Variants in XKR8 observed in about 807,000 individuals in gnomAD.
The protein encoded by XKR8 is XK related 8.
In XKR8, 10 loss-of-function variants were observed where a neutral mutation model predicts 17.1. That is an observed-to-expected ratio of 0.59 (90% CI 0.36 to 0.99). The LOEUF (loss-of-function observed/expected upper bound fraction) is 0.99. Ranked by LOEUF, XKR8 falls within the 50% of genes least tolerant of loss-of-function variation. XKR8 has a pLI of 0.01. For missense variants in XKR8, 411 were observed against 515.6 expected, an observed-to-expected ratio of 0.80 and a Z score of 1.96; for synonymous variants, 213 against 251.9, an observed-to-expected ratio of 0.85 and a Z score of 1.46.
Position 27,965,076 on chromosome 1 carries a change from C to T in XKR8, c.490+1383C>T, listed in dbSNP as rs71642221. Among the ~76,000 whole-genome samples, 3 of 152,202 alleles carry T rather than the reference C, an allele frequency of 2.0e-5. No homozygotes were observed. Among genetic ancestry groups the T allele is most frequent in the Non-Finnish European group, 4.4e-5 (3 of 68,032 alleles). On this transcript the variant is annotated intron_variant, in intron 2 of 2. Transcript: ENST00000373884. This position sits in a 1 kb window ranked among gnomAD's most constrained non-coding sequence, Gnocchi z 4.1. Reference sequence around the variant, plus strand: ...TATTAGCCAGGCCCTGTGGGAAGCACTTACAGTCATCATTGCTCATGTTCA... The same window carrying T: ...TATTAGCCAGGCCCTGTGGGAAGCATTTACAGTCATCATTGCTCATGTTCA...
At chr1:27,962,049 CTG>C (rs975427586) in intron 1 of XKR8, among the ~76,000 whole-genome samples, 1 of 152,186 alleles carries the variant, frequency 6.6e-6, no homozygotes, top group African/African-American at 2.4e-5. Context: ...AGCCCCTCCC[CTG>C]TGTGGCCGGG....
Position 27,966,968 on chromosome 1 carries a change from G to C in XKR8, c.956G>C (p.Trp319Ser), listed in dbSNP as rs1557507643. The C allele has an allele frequency of 1.9e-6, 3 of 1,614,184 alleles. No individual in the cohort carries two copies. The highest frequency in any genetic ancestry group is 2.5e-6 in the Non-Finnish European group (3 of 1,180,026). ...CCCAGCGGGATTCCACTGCAGCTGT[G>C]GCTGCCTGTGGGATGCGGCTGCTTC... Reference protein sequence around the residue: ...WLPSGIPLQLWLPVGCGCFFL... With the variant: ...WLPSGIPLQLSLPVGCGCFFL... Residue 319 changes from tryptophan to serine, a missense_variant, in exon 3 of 3, where the codon TGG becomes TCG. Physicochemically the swap from Trp to Ser is radical, Grantham distance 177 (BLOSUM62 -3). Transcript: ENST00000373884. The surrounding 1 kb of genome is among the most constrained non-coding windows in gnomAD (Gnocchi z 4.3).
At position 27,960,601 on chromosome 1, in the gene XKR8, G is replaced by C. The variant is rs1638452097; in HGVS notation, c.293+239G>C. Reference sequence around the variant, plus strand: ...GGCGAAGAAACTGAGGCCCAGGGAAGAAAGGGAGGCGCATGGGCTTTGAAG... The same window carrying C: ...GGCGAAGAAACTGAGGCCCAGGGAACAAAGGGAGGCGCATGGGCTTTGAAG... On this transcript the variant is annotated intron_variant, in intron 1 of 2. Transcript: ENST00000373884. The surrounding 1 kb of genome is among the most constrained non-coding windows in gnomAD (Gnocchi z 5.9). Among the ~76,000 whole-genome samples the C allele has an allele frequency of 6.6e-6, 1 of 152,208 alleles. No homozygotes were observed. The highest frequency in any genetic ancestry group is 1.5e-5 in the Non-Finnish European group (1 of 68,030).
rs1638597170 is a variant in XKR8, at chr1:27,967,304, C to G, written c.*104C>G. ...GGATAAGCTAACGATGCTGCTGTGG[C>G]CTCTATGCACTCAGCAAGAGCGGGA... On this transcript the variant is annotated 3_prime_UTR_variant, in exon 3 of 3. Transcript: ENST00000373884. The surrounding 1 kb of genome is among the most constrained non-coding windows in gnomAD (Gnocchi z 4.3). The G allele has an allele frequency of 7.7e-7, 1 of 1,297,256 alleles. No homozygotes were observed. Among genetic ancestry groups the G allele is most frequent in the South Asian group, 1.5e-5 (1 of 67,124 alleles). 80.4% of individuals were successfully genotyped at this position (1,297,256 alleles called of 1,614,324 possible).
chr1:27,966,492 A>C lies in XKR8; in HGVS notation c.491-11A>C. The C allele has an allele frequency of 6.2e-7, 1 of 1,602,694 alleles. No individual in the cohort carries two copies. Among genetic ancestry groups the C allele is most frequent in the Middle Eastern group, 1.7e-4 (1 of 6,024 alleles). On this transcript the variant is annotated splice_polypyrimidine_tract_variant and intron_variant, in intron 2 of 2. Coordinates refer to ENST00000373884, the MANE Select transcript of XKR8 (RefSeq NM_018053.4). The surrounding 1 kb of genome is among the most constrained non-coding windows in gnomAD (Gnocchi z 4.3). ...GCCCCAGGACTCACTGTTCCCTCCT[A>C]CTCTTTGCAGGGGTTGGCATCTGCA...
Position 27,962,471 on chromosome 1 carries a change from G to A in XKR8, c.294-1026G>A, listed in dbSNP as rs1349486067. On this transcript the variant is annotated intron_variant, in intron 1 of 2. Coordinates refer to ENST00000373884, the MANE Select transcript of XKR8 (RefSeq NM_018053.4). The stretch of plus-strand genomic sequence containing the variant: ...TCCCAGCATCCCAGCTACTCTGGAG[G>A]CCGAGGCAGGAGAATCGCTTGAACC... 2.6e-5 allele frequency among the ~76,000 whole-genome samples: 4 copies of A among 152,182 alleles called. No individual in the cohort carries two copies. The East Asian group carries it at 7.7e-4, about 29-fold the overall frequency.
intron 1 of XKR8, among the ~76,000 whole-genome samples, chr1:27,963,026 GC>G (rs1415129411): frequency 2.6e-5 from 4 of 151,936 alleles, no homozygotes; most frequent in East Asian, 1.9e-4. Context: ...CCCCATTTTT[GC>G]TTTTTTGTTT....
chr1:27,960,344 A>T lies in XKR8; in HGVS notation c.275A>T (p.Gln92Leu). The T allele has an allele frequency of 7.0e-7, 1 of 1,418,790 alleles. No homozygotes were observed. The highest frequency in any genetic ancestry group is 9.1e-7 in the Non-Finnish European group (1 of 1,094,100). The allele number at this position is 1,418,790 out of a possible 1,614,324, so 87.9% of individuals were successfully genotyped here. A position where few individuals can be genotyped will look rare whatever the true frequency, so the allele number is the denominator to read the frequency against. Residue 92 changes from glutamine (Q) to leucine (L), a missense_variant, in exon 1 of 3, where the codon CAG becomes CTG. Coordinates refer to ENST00000373884, the MANE Select transcript of XKR8 (RefSeq NM_018053.4). The surrounding 1 kb of genome is among the most constrained non-coding windows in gnomAD (Gnocchi z 5.9). ...TGCCTGGCGCTGCTGCATCTCCTGC[A>T]GCTGGGTTACCTGTACAGGTGAGTG... Reference protein sequence around the residue: ...RRCLALLHLLQLGYLYRCVQE... With the variant: ...RRCLALLHLLLLGYLYRCVQE...
In XKR8 at chr1:27,960,332, T is replaced by A; in HGVS notation, c.263T>A (p.Leu88Gln). 2 of 1,420,040 alleles carry A rather than the reference T, an allele frequency of 1.4e-6. No homozygotes were observed. Among genetic ancestry groups the A allele is most frequent in the South Asian group, 1.5e-5 (1 of 66,494 alleles). The allele number at this position is 1,420,040 out of a possible 1,614,324, so 88.0% of individuals were successfully genotyped here. The change falls in exon 1 of 3, where the codon CTG becomes CAG. Residue 88 changes from leucine (L) to glutamine (Q), a missense_variant. Leu to Gln is a moderately radical substitution (Grantham distance 113). Transcript: ENST00000373884. The surrounding 1 kb of genome is among the most constrained non-coding windows in gnomAD (Gnocchi z 5.9). The stretch of plus-strand genomic sequence containing the variant: ...CCCCCGCGCCGCTGCCTGGCGCTGC[T>A]GCATCTCCTGCAGCTGGGTTACCTG... Reference protein sequence around the residue: ...SQPPRRCLALLHLLQLGYLYR... With the variant: ...SQPPRRCLALQHLLQLGYLYR...
In XKR8 at chr1:27,965,008, A is replaced by T. The variant is rs1269302240; in HGVS notation, c.490+1315A>T. On this transcript the variant is annotated intron_variant, in intron 2 of 2. Transcript: ENST00000373884. This position sits in a 1 kb window ranked among gnomAD's most constrained non-coding sequence, Gnocchi z 4.1. Reference sequence around the variant, plus strand: ...CTTGCTAGTCTGAGTCTATATATTGATTGAAAAAACAATAATAGCGGCTGT... The same window carrying T: ...CTTGCTAGTCTGAGTCTATATATTGTTTGAAAAAACAATAATAGCGGCTGT... 6.6e-6 allele frequency among the ~76,000 whole-genome samples: 1 copy of T among 152,192 alleles called. No individual in the cohort carries two copies. The highest frequency in any genetic ancestry group is 1.5e-5 in the Non-Finnish European group (1 of 68,038).
chr1:27,961,008 G>C (rs1638461022), intron 1 of XKR8, among the ~76,000 whole-genome samples: 1 of 152,210 alleles, frequency 6.6e-6, no homozygotes, highest in Non-Finnish European at 1.5e-5. Context: ...AGCAACCTCA[G>C]CTGGCTTCTT....
Position 27,964,645 on chromosome 1 carries a change from C to T in XKR8, c.490+952C>T, listed in dbSNP as rs569660690. On this transcript the variant is annotated intron_variant, in intron 2 of 2. Coordinates refer to ENST00000373884, the MANE Select transcript of XKR8 (RefSeq NM_018053.4). The stretch of plus-strand genomic sequence containing the variant: ...GATGATAGACTAAAACAAGTAGCTA[C>T]GGTTGAGTGACTGGAAAAGGGAGAG... Among the ~76,000 whole-genome samples the T allele has an allele frequency of 4.6e-5, 7 of 152,220 alleles. No individual in the cohort carries two copies. The South Asian group carries it at 6.2e-4, about 14-fold the overall frequency.
intron 1 of XKR8, 33 bp from the exon 2 acceptor site, chr1:27,963,464 C>T: frequency 6.3e-7 from 1 of 1,577,984 alleles, no homozygotes; most frequent in South Asian, 1.2e-5. Context: ...GGACACTAAC[C>T]TGGCCCTCTG....
rs751722188 is a variant in XKR8, at chr1:27,963,489, G to A, written c.294-8G>A. 6 of 1,600,410 alleles carry A rather than the reference G, an allele frequency of 3.7e-6. 1 individual carries two copies. In the Admixed American group the frequency reaches 8.5e-5, roughly 23 times the overall value. The stretch of plus-strand genomic sequence containing the variant: ...CTGGCCCTCTGGGCATTTGTGTGTG[G>A]TGCCTAGGTGCGTGCAGGAGCTGCG... On this transcript the variant is annotated splice_region_variant and splice_polypyrimidine_tract_variant and intron_variant, in intron 1 of 2. Coordinates refer to ENST00000373884, the MANE Select transcript of XKR8 (RefSeq NM_018053.4).
At position 27,966,274 on chromosome 1, in the gene XKR8, C is replaced by T. The variant is rs558531351; in HGVS notation, c.491-229C>T. Reference sequence around the variant, plus strand: ...ACAAATACCACCCGGATAGCACCTACGCAGCAAAGCGCTGTGGTGAGGGGC... The same window carrying T: ...ACAAATACCACCCGGATAGCACCTATGCAGCAAAGCGCTGTGGTGAGGGGC... On this transcript the variant is annotated intron_variant, in intron 2 of 2. Transcript: ENST00000373884. This position sits in a 1 kb window ranked among gnomAD's most constrained non-coding sequence, Gnocchi z 4.3. Among the ~76,000 whole-genome samples the T allele has an allele frequency of 1.2e-4, 18 of 152,264 alleles. No individual in the cohort carries two copies. The highest frequency in any genetic ancestry group is 1.9e-4 in the Non-Finnish European group (13 of 68,026).
chr1:27,960,114 G>A lies in XKR8; in HGVS notation c.45G>A (p.Leu15=). 1 of 1,513,902 alleles carries A rather than the reference G, an allele frequency of 6.6e-7. No homozygotes were observed. Among genetic ancestry groups the A allele is most frequent in the Non-Finnish European group, 8.8e-7 (1 of 1,137,984 alleles). The allele number at this position is 1,513,902 out of a possible 1,614,324, so 93.8% of individuals were successfully genotyped here. A position where few individuals can be genotyped will look rare whatever the true frequency, so the allele number is the denominator to read the frequency against. Residue 15 remains leucine (L), a synonymous_variant, in exon 1 of 3, where the codon CTG becomes CTA. Transcript: ENST00000373884. The surrounding 1 kb of genome is among the most constrained non-coding windows in gnomAD (Gnocchi z 5.9). The stretch of plus-strand genomic sequence containing the variant: ...GCGCCCTCCTTCGGGACCTGGTCCT[G>A]GGCGTGCTGGGCACCGCCGCCTTCC... ...SRGALLRDLV[L]GVLGTAAFLL... is the part of the protein sequence containing the mutation.
rs1286017327 is a variant in XKR8, at chr1:27,960,035, G to T, written c.-35G>T. 2.2e-6 allele frequency: 3 copies of T among 1,379,960 alleles called. No individual in the cohort carries two copies. The highest frequency in any genetic ancestry group is 2.8e-6 in the Non-Finnish European group (3 of 1,072,034). 85.5% of individuals were successfully genotyped at this position (1,379,960 alleles called of 1,614,324 possible). The stretch of plus-strand genomic sequence containing the variant: ...CGGGCCCTGAGGGCAGGCCCCAACC[G>T]CGGAGGAGCAGGAGAGGGCGGAGGC... On this transcript the variant is annotated 5_prime_UTR_variant, in exon 1 of 3. Transcript: ENST00000373884. This position sits in a 1 kb window ranked among gnomAD's most constrained non-coding sequence, Gnocchi z 5.9.
At position 27,963,620 on chromosome 1, in the gene XKR8, C is replaced by T. The variant is rs150019782; in HGVS notation, c.417C>T (p.Phe139=). 8.2e-4 allele frequency: 1,317 copies of T among 1,613,432 alleles called. 10 individuals are homozygous for T. The African/African-American group carries it at 0.016, about 19-fold the overall frequency. The change falls in exon 2 of 3, where the codon TTC becomes TTT. Residue 139 remains phenylalanine, a synonymous_variant. Transcript: ENST00000373884. ...DISMLRLFET[F]LETAPQLTLV... ...GCATGCTGCGGCTCTTCGAGACCTT[C>T]TTGGAGACGGCACCACAGCTCACGC...
intron 2 of XKR8, 109 bp downstream of exon 2, chr1:27,963,802 C>T (rs1468015496): frequency 8.4e-7 from 1 of 1,185,990 alleles, no homozygotes; most frequent in Admixed American, 3.0e-5. Context: ...AACAGGAGAA[C>T]AGGCTTTAGT....
Sources: gnomAD v4.1 joint callset for allele counts (sites outside exome capture counted in the v4.1 genomes callset) on GRCh38, gnomAD v4.1.1 for gene constraint, Gnocchi (gnomAD v3.1) non-coding constraint, MANE v1.5 for transcripts, NCBI Gene and HGNC (gene_info 2026-07-23, HGNC 2026-07-21) for gene names.